The following CLSTN1 variants were observed in gnomAD, a reference collection of about 807,000 sequenced individuals.
The protein encoded by CLSTN1 is calsyntenin 1.
In CLSTN1, 28 loss-of-function variants were observed where a neutral mutation model predicts 108.3. The ratio of observed to expected loss-of-function variants is 0.26; its 90% CI spans 0.19 to 0.35. The LOEUF is 0.35. Ranked by LOEUF, CLSTN1 falls within the 10% of genes least tolerant of loss-of-function variation. CLSTN1 has a pLI of 1.00. For synonymous variants in CLSTN1, 524 were observed against 534.9 expected (o/e 0.98, Z 0.28); for missense variants, 1,157 against 1,302.6 (o/e 0.89, Z 1.72).
intron 1 of CLSTN1, among the ~76,000 whole-genome samples, chr1:9,802,823 ATT>A (rs34247091): frequency 1.3e-3 from 171 of 130,514 alleles, no homozygotes; most frequent in African/African-American, 4.0e-3. Flanking sequence ...ATTTTCTTAG[ATT>A]TTTTTTTTTT....
intron 1 of CLSTN1, among the ~76,000 whole-genome samples, chr1:9,810,993 A>C (rs1654733262): frequency 6.6e-6 from 1 of 152,142 alleles, no homozygotes; most frequent in Non-Finnish European, 1.5e-5. Context: ...GTTCAGACCC[A>C]CTGCCATATG....
rs111754231 is a variant in CLSTN1, at chr1:9,792,339, T to C, written c.92-18945A>G. ...CTCATATGCCATGGCTGGCAGTCTCTCTTGAATGTCACAGGTGTGATGTGG... is the reference window on the plus strand; with the variant it reads ...CTCATATGCCATGGCTGGCAGTCTCCCTTGAATGTCACAGGTGTGATGTGG... On this transcript the variant is annotated intron_variant, in intron 1 of 18. Transcript: ENST00000377298. Among the ~76,000 whole-genome samples, 1,405 of 151,572 alleles carry C rather than the reference T, an allele frequency of 9.3e-3. 51 individuals are homozygous for C. The highest frequency in any genetic ancestry group is 0.047 in the East Asian group (238 of 5,052).
At chr1:9,801,558 CGTTT>C (rs1450495818) in intron 1 of CLSTN1, among the ~76,000 whole-genome samples, 3 of 152,050 alleles carry the variant, frequency 2.0e-5, no homozygotes, top group African/African-American at 7.2e-5. Flanking sequence ...CATTATTGTT[CGTTT>C]GTTTTTGTTG....
At chr1:9,784,029 A>T (rs1653367849) in intron 1 of CLSTN1, among the ~76,000 whole-genome samples, 1 of 151,750 alleles carries the variant, frequency 6.6e-6, no homozygotes. Flanking sequence ...AAAATTAGCT[A>T]GGCGTGGTGG....
chr1:9,805,079 C>CAT (rs1654449241), intron 1 of CLSTN1, among the ~76,000 whole-genome samples: 1 of 151,984 alleles, frequency 6.6e-6, no homozygotes, highest in Non-Finnish European at 1.5e-5. Flanking sequence ...GAGATCGCGC[C>CAT]ATAGTACTCC....
Position 9,793,949 on chromosome 1 carries a change from C to G in CLSTN1, c.92-20555G>C, listed in dbSNP as rs138862958. On this transcript the variant is annotated intron_variant, in intron 1 of 18. Transcript: ENST00000377298. ...AGGGTTTCCAACAGACACCTTCCCCCATAAGTGCTCACTTCATTCGCATTG... is the reference window on the plus strand; with the variant it reads ...AGGGTTTCCAACAGACACCTTCCCCGATAAGTGCTCACTTCATTCGCATTG... Among the ~76,000 whole-genome samples the G allele has an allele frequency of 2.6e-3, 387 of 151,562 alleles. 3 individuals carry two copies. Among genetic ancestry groups the G allele is most frequent in the African/African-American group, 8.8e-3 (366 of 41,524 alleles).
At chr1:9,737,633 T>G (rs537243979) in intron 10 of CLSTN1, 79 bp from the exon 11 acceptor site, 7 of 1,236,162 alleles carry the variant, frequency 5.7e-6, no homozygotes, top group African/African-American at 4.5e-5. Context: ...AAACCAGGTT[T>G]GAAGCAACCA....
intron 1 of CLSTN1, among the ~76,000 whole-genome samples, chr1:9,782,545 C>G (rs575958896): frequency 6.6e-4 from 101 of 152,298 alleles, no homozygotes; most frequent in African/African-American, 2.3e-3. Flanking sequence ...TAGGCACACA[C>G]CTATCATTTC....
At chr1:9,818,833 C>A (rs1655087070) in intron 1 of CLSTN1, among the ~76,000 whole-genome samples, 1 of 127,596 alleles carries the variant, frequency 7.8e-6, no homozygotes, top group Admixed American at 9.3e-5. Context: ...GTCGCCCAGG[C>A]TGGAGTGCAG....
chr1:9,774,807 A>T (rs1287139203), intron 1 of CLSTN1, among the ~76,000 whole-genome samples: 2 of 152,138 alleles, frequency 1.3e-5, no homozygotes, highest in African/African-American at 4.8e-5. Context: ...CTCCACAGGC[A>T]GAGCAGCCCT....
Position 9,774,045 on chromosome 1 carries a change from G to A in CLSTN1, c.92-651C>T, listed in dbSNP as rs116118355. ...GCGTGAGCCACGGCACCTGGCCCCA[G>A]TATTATTATTATTTTTTCTTTTTTC... On this transcript the variant is annotated intron_variant, in intron 1 of 18. Transcript: ENST00000377298. Among the ~76,000 whole-genome samples, 731 of 152,016 alleles carry A rather than the reference G, an allele frequency of 4.8e-3. 3 individuals are homozygous for A. The highest frequency in any genetic ancestry group is 0.016 in the African/African-American group (657 of 41,476).
chr1:9,744,777 CAG>C (rs923136953), intron 7 of CLSTN1, 134 bp from the exon 8 acceptor site: 18 of 1,120,560 alleles, frequency 1.6e-5, no homozygotes, highest in East Asian at 2.6e-5. Flanking sequence ...TCTTTCGAGA[CAG>C]AGTCTTGCTT....
intron 1 of CLSTN1, among the ~76,000 whole-genome samples, chr1:9,806,917 C>T (rs111752751): frequency 0.022 from 3,279 of 152,036 alleles, 137 homozygotes; most frequent in African/African-American, 0.07. Flanking sequence ...AATGTTTACA[C>T]TAATGATGTC....
At position 9,755,302 on chromosome 1, in the gene CLSTN1, A is replaced by C; in HGVS notation, c.252T>G (p.Ile84Met). Reference protein sequence around the residue: ...FEVTVTKEGEICGFKIHGQNV... With the variant: ...FEVTVTKEGEMCGFKIHGQNV... ...TCTGCCCGTGAATTTTAAATCCACA[A>C]ATCTCACCTAGGGAGTCAAAGCAGA... is the stretch of plus-strand genomic sequence containing the variant. The change falls in exon 4 of 19, where the codon ATT becomes ATG. Residue 84 changes from isoleucine (I) to methionine (M), a missense_variant. Transcript: ENST00000377298. The C allele has an allele frequency of 6.2e-7, 1 of 1,611,850 alleles. No individual in the cohort carries two copies. Among genetic ancestry groups the C allele is most frequent in the Non-Finnish European group, 8.5e-7 (1 of 1,178,198 alleles).
intron 9 of CLSTN1, among the ~76,000 whole-genome samples, chr1:9,743,286 C>T (rs947873237): frequency 8.5e-5 from 13 of 152,238 alleles, no homozygotes; most frequent in Middle Eastern, 3.4e-3. Flanking sequence ...ATTAGCTTTG[C>T]GGCCGGGCAC....
At chr1:9,732,986 G>T (rs1186760360) in intron 16 of CLSTN1, among the ~76,000 whole-genome samples, 2 of 152,124 alleles carry the variant, frequency 1.3e-5, no homozygotes, top group African/African-American at 4.8e-5. Context: ...AACCTGGGGG[G>T]ACAAGACCAG....
chr1:9,765,749 G>A (rs758781840), intron 2 of CLSTN1, among the ~76,000 whole-genome samples: 3 of 151,064 alleles, frequency 2.0e-5, no homozygotes, highest in African/African-American at 7.3e-5. Flanking sequence ...GCGTGGTGGC[G>A]GCGGGCGCCT....
At chr1:9,789,940 C>T (rs1653683130) in intron 1 of CLSTN1, among the ~76,000 whole-genome samples, 1 of 151,434 alleles carries the variant, frequency 6.6e-6, no homozygotes, top group South Asian at 2.2e-4. Context: ...AACTGCACCA[C>T]TGCACTCCAG....
chr1:9,755,227 G>A lies in CLSTN1; in HGVS notation c.327C>T (p.Val109=), dbSNP rs780152998. 12 of 1,613,940 alleles carry A rather than the reference G, an allele frequency of 7.4e-6. No homozygotes were observed. Among genetic ancestry groups the A allele is most frequent in the South Asian group, 1.1e-5 (1 of 91,080 alleles). ...AGTCCAGTTTCTCTTTGGAGCGAATGACTCCCTCACCAGTGGATTTATCCA... is the reference window on the plus strand; with the variant it reads ...AGTCCAGTTTCTCTTTGGAGCGAATAACTCCCTCACCAGTGGATTTATCCA... ...VVVDKSTGEG[V]IRSKEKLDCE... The change falls in exon 4 of 19, where the codon GTC becomes GTT. Residue 109 remains valine (V), a synonymous_variant. Coordinates refer to ENST00000377298, the MANE Select transcript of CLSTN1 (RefSeq NM_001009566.3).
Sources: gnomAD v4.1 joint callset for allele counts (sites outside exome capture counted in the v4.1 genomes callset) on GRCh38, gnomAD v4.1.1 for gene constraint, MANE v1.5 for transcripts, NCBI Gene and HGNC (gene_info 2026-07-23, HGNC 2026-07-21) for gene names.